Variants in RGS5 observed in about 807,000 individuals in gnomAD.
RGS5 encodes regulator of G protein signaling 5.
In RGS5, 20 loss-of-function variants were observed where a neutral mutation model predicts 18.9. The ratio of observed to expected loss-of-function variants is 1.06; its 90% confidence interval spans 0.74 to 1.54. The LOEUF (loss-of-function observed/expected upper bound fraction) is 1.54, where lower values mean the gene tolerates loss of function less well. Ranked by LOEUF, RGS5 falls within the 40% of genes most tolerant of loss-of-function variation. The probability of loss-of-function intolerance (pLI) is 0.00; values close to 1 mark genes in which losing one functional copy is unlikely to be tolerated. For synonymous variants in RGS5, 57 were observed against 76.2 expected (o/e 0.75, Z 1.31); for missense variants, 201 against 211.8 (o/e 0.95, Z 0.32).
intron 1 of RGS5, among the ~76,000 whole-genome samples, chr1:163,184,212 C>T (rs1310437073): frequency 6.6e-6 from 1 of 152,078 alleles, no homozygotes; most frequent in African/African-American, 2.4e-5. Context: ...GCTGAGTACA[C>T]TTTTCTAGAC....
upstream of RGS5, among the ~76,000 whole-genome samples, chr1:163,218,011 A>C (rs1487437215): frequency 6.6e-6 from 1 of 151,918 alleles, no homozygotes; most frequent in Non-Finnish European, 1.5e-5. Context: ...AATAGAGACA[A>C]GCTTGGGCTA....
At chr1:163,165,637 G>A (rs888697285) in intron 2 of RGS5, among the ~76,000 whole-genome samples, 2 of 152,156 alleles carry the variant, frequency 1.3e-5, no homozygotes, top group East Asian at 3.9e-4. Context: ...TGGGCGTGGT[G>A]GCTCACGCCT....
chr1:163,217,457 A>G, intron 1 of RGS5: 2 of 1,434,608 alleles, frequency 1.4e-6, no homozygotes, highest in Non-Finnish European at 1.8e-6. Context: ...CAAAATAACT[A>G]TGCACAGTCT....
At chr1:163,308,934 C>T (rs1649780058) in intron 1 of RGS5, among the ~76,000 whole-genome samples, 3 of 152,264 alleles carry the variant, frequency 2.0e-5, no homozygotes, top group African/African-American at 7.2e-5. Context: ...ATACACAAAT[C>T]CTAAGTTAAA....
intron 2 of RGS5, among the ~76,000 whole-genome samples, chr1:163,227,313 T>G (rs557431087): frequency 6.6e-6 from 1 of 152,330 alleles, no homozygotes; most frequent in South Asian, 2.1e-4. Flanking sequence ...TTCCACATGG[T>G]TGGGGAGGCA....
chr1:163,298,321 C>T (rs1319043182), intron 2 of RGS5, among the ~76,000 whole-genome samples: 1 of 152,000 alleles, frequency 6.6e-6, no homozygotes. Context: ...ATCTTCTATC[C>T]TCTGAAGGTT....
chr1:163,239,083 A>G (rs1647714637), intron 2 of RGS5: 1 of 189,068 alleles, frequency 5.3e-6, no homozygotes, highest in South Asian at 1.3e-4. Context: ...GCAACGGTGA[A>G]TCCCATTTCC....
chr1:163,186,073 CTTT>C (rs34446894), intron 1 of RGS5, among the ~76,000 whole-genome samples: 38,049 of 139,102 alleles, frequency 0.27, 5,915 homozygotes, highest in East Asian at 0.63. Flanking sequence ...AAAAAAAGGT[CTTT>C]TTTTTTTTTT....
intron 2 of RGS5, among the ~76,000 whole-genome samples, chr1:163,231,249 TC>T (rs1647473823): frequency 1.3e-5 from 2 of 152,228 alleles, no homozygotes; most frequent in Admixed American, 6.5e-5. Context: ...ACTGTAATAA[TC>T]CTGTGCATTT....
At chr1:163,231,162 T>C (rs995561178) in intron 2 of RGS5, among the ~76,000 whole-genome samples, 7 of 152,162 alleles carry the variant, frequency 4.6e-5, no homozygotes, top group Non-Finnish European at 8.8e-5. Context: ...GAGAAACTTT[T>C]CCCACATTTT....
At chr1:163,282,588 C>T (rs1649023444) in intron 2 of RGS5, among the ~76,000 whole-genome samples, 1 of 152,046 alleles carries the variant, frequency 6.6e-6, no homozygotes, top group Admixed American at 6.6e-5. Flanking sequence ...CACTTGCCTG[C>T]AGTCTCAGCT....
chr1:163,185,697 G>C (rs1659041357), intron 1 of RGS5, among the ~76,000 whole-genome samples: 1 of 152,204 alleles, frequency 6.6e-6, no homozygotes, highest in Non-Finnish European at 1.5e-5. Context: ...TTGGCTGCAA[G>C]GTTGTTGCAA....
intron 2 of RGS5, among the ~76,000 whole-genome samples, chr1:163,224,849 T>G (rs1023369801): frequency 2.6e-5 from 4 of 152,210 alleles, no homozygotes; most frequent in Non-Finnish European, 4.4e-5. Flanking sequence ...TTTTGAGAAA[T>G]GTATATTCAG....
chr1:163,163,046 G>T (rs968438686), intron 2 of RGS5, among the ~76,000 whole-genome samples: 1 of 151,020 alleles, frequency 6.6e-6, no homozygotes, highest in African/African-American at 2.4e-5. Context: ...TTTCGGGGGG[G>T]GGGGTGGTTA....
chr1:163,309,072 G>A (rs1213108811), intron 1 of RGS5, among the ~76,000 whole-genome samples: 1 of 130,378 alleles, frequency 7.7e-6, no homozygotes, highest in African/African-American at 2.6e-5. Flanking sequence ...CTGATAGGCT[G>A]GGTGTAGTGG....
At chr1:163,180,989 C>A (rs186459309) in intron 1 of RGS5, among the ~76,000 whole-genome samples, 3 of 152,032 alleles carry the variant, frequency 2.0e-5, no homozygotes, top group African/African-American at 7.2e-5. Flanking sequence ...CCACCGCGCC[C>A]GCCCCCCTGT....
At chr1:163,268,391 A>G (rs570324759) in intron 2 of RGS5, among the ~76,000 whole-genome samples, 1 of 152,266 alleles carries the variant, frequency 6.6e-6, no homozygotes, top group South Asian at 2.1e-4. Flanking sequence ...TGAGAGTTAA[A>G]GTGACTTGAC....
intron 1 of RGS5, among the ~76,000 whole-genome samples, chr1:163,313,597 G>T (rs1346407760): frequency 6.6e-6 from 1 of 152,206 alleles, no homozygotes; most frequent in South Asian, 2.1e-4. Flanking sequence ...TATGGAGGGA[G>T]AGAGACACAT....
chr1:163,149,402 T>C (rs150335038), intron 4 of RGS5, among the ~76,000 whole-genome samples: 2 of 152,290 alleles, frequency 1.3e-5, no homozygotes, highest in East Asian at 3.9e-4. Context: ...TTCCAAATGA[T>C]TGAGTTTCTA....
Sources: gnomAD v4.1 joint callset for allele counts (sites outside exome capture counted in the v4.1 genomes callset) on GRCh38, gnomAD v4.1.1 for gene constraint, MANE v1.5 for transcripts, NCBI Gene and HGNC (gene_info 2026-07-23, HGNC 2026-07-21) for gene names.